Variants in CADPS2 observed in about 807,000 individuals in gnomAD.
CADPS2 encodes the protein calcium dependent secretion activator 2.
In CADPS2, 93 loss-of-function variants were observed where a neutral mutation model predicts 172.5. The observed-to-expected ratio is 0.54, with a 90% CI of 0.46 to 0.64. CADPS2 has a LOEUF of 0.64. CADPS2 is among the 30% of genes least tolerant of loss of function. CADPS2 has a pLI of 0.00. For missense variants in CADPS2, 1,420 were observed against 1,565.9 expected, an observed-to-expected ratio of 0.91 and a Z score of 1.57; for synonymous variants, 546 against 555.2, an observed-to-expected ratio of 0.98 and a Z score of 0.23.
intron 20 of CADPS2, among the ~76,000 whole-genome samples, chr7:122,402,227 T>C (rs934417823): frequency 2.0e-5 from 3 of 152,110 alleles, no homozygotes; most frequent in Non-Finnish European, 4.4e-5. Flanking sequence ...AATGCCCTTA[T>C]AAATATTTCC....
intron 7 of CADPS2, among the ~76,000 whole-genome samples, chr7:122,561,332 CT>C (rs796643597): frequency 2.4e-4 from 1 of 4,176 alleles, no homozygotes; most frequent in African/African-American, 5.0e-4. Context: ...CTTCTATACA[CT>C]TTTTTTTTTA....
chr7:122,361,503 A>G (rs2040143971), intron 25 of CADPS2, among the ~76,000 whole-genome samples: 1 of 152,034 alleles, frequency 6.6e-6, no homozygotes, highest in Non-Finnish European at 1.5e-5. Context: ...AAGTACTGGG[A>G]TTACAGGTGT....
chr7:122,854,436 G>C (rs1814618116), intron 1 of CADPS2, among the ~76,000 whole-genome samples: 1 of 152,170 alleles, frequency 6.6e-6, no homozygotes, highest in Non-Finnish European at 1.5e-5. Flanking sequence ...TAATGAGAAA[G>C]TCAAAGAAGA....
At chr7:122,818,669 C>G (rs1195124032) in intron 1 of CADPS2, among the ~76,000 whole-genome samples, 1 of 152,120 alleles carries the variant, frequency 6.6e-6, no homozygotes, top group African/African-American at 2.4e-5. Flanking sequence ...ATCTTTTTAT[C>G]ACCTCCCCTC....
intron 5 of CADPS2, among the ~76,000 whole-genome samples, chr7:122,617,282 A>G (rs576124278): frequency 6.6e-6 from 1 of 152,212 alleles, no homozygotes; most frequent in Non-Finnish European, 1.5e-5. Flanking sequence ...TGATGAATCT[A>G]TATGTATAAA....
chr7:122,755,448 C>T (rs2093120660), intron 1 of CADPS2, among the ~76,000 whole-genome samples: 1 of 152,066 alleles, frequency 6.6e-6, no homozygotes, highest in Admixed American at 6.6e-5. Context: ...ATATTATCAA[C>T]ACTGTATTGT....
rs572283568 is a variant in CADPS2 at position 122,624,396 on chromosome 7, A to T, written c.868-2679T>A. ...AAAAAGTTTTTCTCATTATTCAAATATAGTCACTTTTTCTTATGCGCTCTT... is the reference window on the plus strand; with the variant it reads ...AAAAAGTTTTTCTCATTATTCAAATTTAGTCACTTTTTCTTATGCGCTCTT... On this transcript the variant is annotated intron_variant, in intron 4 of 29. Transcript: ENST00000449022. Among the ~76,000 whole-genome samples, 16 of 152,310 alleles carry T rather than the reference A, an allele frequency of 1.1e-4. 1 individual carries two copies. Among genetic ancestry groups the T allele is most frequent in the South Asian group, 6.2e-4 (3 of 4,830 alleles).
chr7:122,457,380 A>G (rs764564709), intron 14 of CADPS2, among the ~76,000 whole-genome samples: 3 of 152,232 alleles, frequency 2.0e-5, no homozygotes, highest in Non-Finnish European at 4.4e-5. Context: ...TGTAACACCA[A>G]TAAAAACTAA....
intron 9 of CADPS2, among the ~76,000 whole-genome samples, chr7:122,496,266 A>G (rs1190080242): frequency 2.6e-5 from 4 of 152,096 alleles, no homozygotes; most frequent in Non-Finnish European, 4.4e-5. Context: ...GGTTCAGTCA[A>G]TACTCCTGCC....
At chr7:122,357,857 T>C (rs9632751) in intron 27 of CADPS2, among the ~76,000 whole-genome samples, 5,479 of 152,252 alleles carry the variant, frequency 0.036, 307 homozygotes, top group African/African-American at 0.13. Context: ...GACGTACCAA[T>C]GGTTATTTAT....
chr7:122,441,135 A>T (rs1394422843), intron 16 of CADPS2, among the ~76,000 whole-genome samples: 1 of 152,202 alleles, frequency 6.6e-6, no homozygotes, highest in African/African-American at 2.4e-5. Flanking sequence ...TGGCATGAGG[A>T]CTACGACAGG....
At chr7:122,630,280 A>AT (rs1206578316) in intron 3 of CADPS2, among the ~76,000 whole-genome samples, 1 of 152,104 alleles carries the variant, frequency 6.6e-6, no homozygotes, top group African/African-American at 2.4e-5. Context: ...ACCAGGTTAC[A>AT]TTTTTAAAAA....
Position 122,476,700 on chromosome 7 carries a change from A to C in CADPS2, c.1862-2183T>G, listed in dbSNP as rs951413700. ...AACAGACAGGCAAACAAACCCATTA[A>C]AATTTTTATTTAAGAAAATCAACAA... On this transcript the variant is annotated intron_variant, in intron 12 of 29. Transcript: ENST00000449022. Among the ~76,000 whole-genome samples the C allele has an allele frequency of 2.7e-4, 41 of 152,072 alleles. 1 individual carries two copies. Among genetic ancestry groups the C allele is most frequent in the African/African-American group, 8.7e-4 (36 of 41,384 alleles).
At chr7:122,463,348 C>A (rs972871518) in intron 14 of CADPS2, among the ~76,000 whole-genome samples, 1 of 150,578 alleles carries the variant, frequency 6.6e-6, no homozygotes, top group South Asian at 2.1e-4. Context: ...GAGGTGGAGT[C>A]TCGCTCTGTT....
chr7:122,527,613 AGAGAGTGT>A (rs1485741161), intron 8 of CADPS2, among the ~76,000 whole-genome samples: 437 of 101,888 alleles, frequency 4.3e-3, no homozygotes, highest in African/African-American at 5.9e-3. Flanking sequence ...AGAGAGAGAG[AGAGAGTGT>A]GTGTGTGTGT....
chr7:122,662,769 T>C (rs2080750759), intron 3 of CADPS2, among the ~76,000 whole-genome samples: 1 of 152,204 alleles, frequency 6.6e-6, no homozygotes, highest in Admixed American at 6.5e-5. Context: ...TCAACTATCA[T>C]CCTCAATTTA....
chr7:122,399,660 C>CTTTTTTTTTTTTTTTTTTTTTTT (rs1008163151), intron 20 of CADPS2, among the ~76,000 whole-genome samples: 6 of 51,228 alleles, frequency 1.2e-4, no homozygotes, highest in Non-Finnish European at 1.8e-4. Flanking sequence ...GGGTGGGTTT[C>CTTTTTTTTTTTTTTTTTTTTTTT]TTTTTTTTTT....
At chr7:122,387,587 A>G (rs1331386179) in intron 23 of CADPS2, among the ~76,000 whole-genome samples, 2 of 152,116 alleles carry the variant, frequency 1.3e-5, no homozygotes, top group Non-Finnish European at 2.9e-5. Flanking sequence ...CAAATTAGAA[A>G]AAATAAGCAC....
chr7:122,404,156 T>C (rs1466627339), intron 20 of CADPS2, among the ~76,000 whole-genome samples: 1 of 148,810 alleles, frequency 6.7e-6, no homozygotes, highest in African/African-American at 2.4e-5. Flanking sequence ...CCCCACCCCA[T>C]AACAGGCCCC....
Sources: allele counts gnomAD v4.1 joint callset (sites outside exome capture counted in the v4.1 genomes callset), GRCh38; gene constraint gnomAD v4.1.1; transcripts MANE v1.5; gene names NCBI Gene and HGNC (gene_info 2026-07-23, HGNC 2026-07-21).